ASB5: variants seen among roughly 807,000 people sequenced by gnomAD.
ASB5 encodes ankyrin repeat and SOCS box protein 5.
Under a neutral mutation model 42.1 loss-of-function variants are expected in ASB5, and 45 were observed. The observed-to-expected ratio is 1.07, with a 90% CI of 0.84 to 1.37. The LOEUF (loss-of-function observed/expected upper bound fraction) is 1.37. ASB5 is among the 40% of genes most tolerant of loss of function. The pLI, the probability that ASB5 is intolerant of heterozygous loss-of-function variation, is 0.00. For missense variants in ASB5, 402 were observed against 399.8 expected (o/e 1.01, Z -0.05); for synonymous variants, 147 against 150.6 (o/e 0.98, Z 0.18).
intron 1 of ASB5, among the ~76,000 whole-genome samples, chr4:176,276,445 T>C (rs1754565008): frequency 6.6e-6 from 1 of 152,222 alleles, no homozygotes; most frequent in African/African-American, 2.4e-5. Flanking sequence ...TCCATTTCTA[T>C]AATCAGAATT....
At chr4:176,221,703 AG>A in intron 3 of ASB5, 103 bp from the exon 4 acceptor site, 1 of 1,118,192 alleles carries the variant, frequency 8.9e-7, no homozygotes, top group Admixed American at 3.0e-5. Context: ...AGAAATACGT[AG>A]GAAAATGTGC....
intron 5 of ASB5, among the ~76,000 whole-genome samples, chr4:176,219,930 G>A (rs1753154579): frequency 6.6e-6 from 1 of 152,020 alleles, no homozygotes; most frequent in Admixed American, 6.6e-5. Flanking sequence ...TAAAGCAGGG[G>A]TGTCCAATCG....
rs1451944899 is a variant in ASB5, at chr4:176,222,351, C to T, written c.346G>A (p.Val116Met). 6.2e-6 allele frequency: 10 copies of T among 1,613,844 alleles called. No individual in the cohort carries two copies. The highest frequency in any genetic ancestry group is 8.5e-6 in the Non-Finnish European group (10 of 1,179,938). ...TCCAGCAGAGTTCTGGCACATGCCA[C>T]GTGATCTCCAAGGCAGGCTTCGTGC... ...PLHEACLGDH[V>M]ACARTLLEAG... is the part of the protein sequence containing the mutation. The change falls in exon 3 of 7, where the codon GTG becomes ATG. Residue 116 changes from valine to methionine, a missense_variant. Transcript: ENST00000296525.
intron 1 of ASB5, among the ~76,000 whole-genome samples, chr4:176,241,999 G>A (rs963403208): frequency 1.3e-4 from 20 of 152,098 alleles, no homozygotes; most frequent in African/African-American, 3.4e-4. Flanking sequence ...GACGCGGAAG[G>A]GTCAAAGGGG....
intron 1 of ASB5, among the ~76,000 whole-genome samples, chr4:176,252,878 T>A (rs1204665599): frequency 6.6e-6 from 1 of 152,240 alleles, no homozygotes; most frequent in Admixed American, 6.5e-5. Flanking sequence ...AAAGCCTTTT[T>A]TCTTCTCTAC....
chr4:176,249,086 C>T (rs1440056475), intron 1 of ASB5, among the ~76,000 whole-genome samples: 2 of 152,218 alleles, frequency 1.3e-5, no homozygotes, highest in African/African-American at 2.4e-5. Flanking sequence ...CCTGCCTCAG[C>T]CTACCGAGTA....
intron 2 of ASB5, among the ~76,000 whole-genome samples, chr4:176,224,874 T>G (rs1453583845): frequency 2.0e-5 from 3 of 152,246 alleles, no homozygotes. Flanking sequence ...TAAAAAAGAT[T>G]GCTTTGGCAT....
Position 176,238,014 on chromosome 4 carries a change from G to A in ASB5, c.197-12673C>T, listed in dbSNP as rs566085199. 9.2e-5 allele frequency among the ~76,000 whole-genome samples: 14 copies of A among 152,196 alleles called. No homozygotes were observed. In the East Asian group the frequency reaches 2.7e-3, roughly 29 times the overall value. On this transcript the variant is annotated intron_variant, in intron 1 of 6. Coordinates refer to ENST00000296525, the MANE Select transcript of ASB5 (RefSeq NM_080874.4). ...AGGCAGGCAGATCACCTGAGGTCAG[G>A]GGTTAGAGACCAGCCTGGCCAACGT...
rs1579324530 is a variant in ASB5 at position 176,241,364 on chromosome 4, A to G, written c.197-16023T>C. On this transcript the variant is annotated intron_variant, in intron 1 of 6. Transcript: ENST00000296525. ...GTAAGTTTCCCATCCTTAGAAAAAA[A>G]ATGAATGTTTACTCCAAAATTACTA... The G allele has an allele frequency of 1.0e-5, 10 of 980,814 alleles. No individual in the cohort carries two copies. In the East Asian group the frequency reaches 2.4e-4, roughly 24 times the overall value. 60.8% of individuals were successfully genotyped at this position (980,814 alleles called of 1,614,324 possible).
At chr4:176,251,564 TAAAAA>T (rs34392287) in intron 1 of ASB5, among the ~76,000 whole-genome samples, 29 of 10,380 alleles carry the variant, frequency 2.8e-3, no homozygotes, top group African/African-American at 0.011. Flanking sequence ...TCTGTCTCAT[TAAAAA>T]AAAAAAAAAA....
intron 1 of ASB5, among the ~76,000 whole-genome samples, chr4:176,235,281 AGTT>A (rs1753656909): frequency 6.6e-6 from 1 of 152,238 alleles, no homozygotes; most frequent in African/African-American, 2.4e-5. Flanking sequence ...TGATTATAAA[AGTT>A]GTACATTAAA....
intron 1 of ASB5, chr4:176,249,649 C>T (rs1360693473): frequency 3.9e-5 from 6 of 152,142 alleles, no homozygotes; most frequent in African/African-American, 1.2e-4. Context: ...GGAAATTTCT[C>T]CTCATATGAA....
At chr4:176,246,245 CTATT>C (rs1218504041) in intron 1 of ASB5, among the ~76,000 whole-genome samples, 1 of 151,994 alleles carries the variant, frequency 6.6e-6, no homozygotes, top group Admixed American at 6.6e-5. Flanking sequence ...TACTATAAGA[CTATT>C]TATGGGTCAA....
At position 176,216,823 on chromosome 4, in the gene ASB5, T is replaced by C; in HGVS notation, c.857A>G (p.His286Arg). 1 of 1,572,768 alleles carries C rather than the reference T, an allele frequency of 6.4e-7. No individual in the cohort carries two copies. Among genetic ancestry groups the C allele is most frequent in the South Asian group, 1.2e-5 (1 of 83,672 alleles). The stretch of plus-strand genomic sequence containing the variant: ...TCCACATGTATTTTTCTTACCTTCA[T>C]GTTGAAGCAATATCCTTTCCACCAT... ...SSMVERILLQ[H>R]EATPSSLYQL... The change falls in exon 6 of 7, where the codon CAT becomes CGT. Residue 286 changes from histidine to arginine, a missense_variant. His to Arg is a conservative substitution (Grantham distance 29). Coordinates refer to ENST00000296525, the MANE Select transcript of ASB5 (RefSeq NM_080874.4).
rs1162818165 is a variant in ASB5 at position 176,221,598 on chromosome 4, T to C, written c.387A>G (p.Val129=). Residue 129 remains valine, a splice_region_variant and synonymous_variant, in exon 4 of 7, where the codon GTA becomes GTG. Coordinates refer to ENST00000296525, the MANE Select transcript of ASB5 (RefSeq NM_080874.4). ...TCACGCCATCTATCGTGATTGCATT[T>C]ACCTAAACCAAACCAAAATATCCAA... ...ARTLLEAGAN[V]NAITIDGVTP... is the part of the protein sequence containing the mutation. 1 of 1,604,776 alleles carries C rather than the reference T, an allele frequency of 6.2e-7. No individual in the cohort carries two copies. The highest frequency in any genetic ancestry group is 2.2e-5 in the East Asian group (1 of 44,750).
At chr4:176,254,234 C>T (rs1754104259) in intron 1 of ASB5, among the ~76,000 whole-genome samples, 1 of 152,094 alleles carries the variant, frequency 6.6e-6, no homozygotes, top group Non-Finnish European at 1.5e-5. Context: ...ACCAATGGAA[C>T]AGAATAGAGA....
At chr4:176,247,978 T>C (rs1280038526) in intron 1 of ASB5, among the ~76,000 whole-genome samples, 1 of 152,176 alleles carries the variant, frequency 6.6e-6, no homozygotes. Flanking sequence ...GATGGCCTGA[T>C]AGAATAGAAG....
chr4:176,271,875 T>C (rs946524894), upstream of ASB5, among the ~76,000 whole-genome samples: 5 of 152,120 alleles, frequency 3.3e-5, 1 homozygote, highest in South Asian at 6.2e-4. Flanking sequence ...CTCTAAAATT[T>C]TCTATTTTTA....
chr4:176,241,339 G>A (rs534712207), intron 1 of ASB5: 183 of 764,168 alleles, frequency 2.4e-4, no homozygotes, highest in Non-Finnish European at 3.6e-4. Flanking sequence ...TTTTAAAAGT[G>A]TAAGTTTCCC....
Sources: gnomAD v4.1 joint callset for allele counts (sites outside exome capture counted in the v4.1 genomes callset) on GRCh38, gnomAD v4.1.1 for gene constraint, MANE v1.5 for transcripts, NCBI Gene and HGNC (gene_info 2026-07-23, HGNC 2026-07-21) for gene names.